The following TCEA1 variants were observed in gnomAD, a reference collection of about 807,000 sequenced individuals.
TCEA1 encodes transcription elongation factor A1.
In TCEA1, 21 loss-of-function variants were observed where a neutral mutation model predicts 43.8. That is an observed-to-expected ratio of 0.48 (90% CI 0.34 to 0.69). TCEA1 has a LOEUF of 0.69. TCEA1 is among the 30% of genes least tolerant of loss of function. The pLI, the probability that TCEA1 is intolerant of heterozygous loss-of-function variation, is 0.01. For synonymous variants in TCEA1, 104 were observed against 117.5 expected (o/e 0.88, Z 0.75); for missense variants, 250 against 365.1 (o/e 0.68, Z 2.57).
chr8:53,975,562 A>C (rs1196718474), intron 8 of TCEA1, among the ~76,000 whole-genome samples: 2 of 152,234 alleles, frequency 1.3e-5, no homozygotes, highest in African/African-American at 4.8e-5. Flanking sequence ...AGCCGTAAAA[A>C]GTAGGGAAAG....
At position 54,016,978 on chromosome 8, in the gene TCEA1, CAAAAAAAAAA is replaced by C. The variant is rs1159105172; in HGVS notation, c.63+5075_63+5084del. Among the ~76,000 whole-genome samples, 409 of 67,428 alleles carry C rather than the reference CAAAAAAAAAA, an allele frequency of 6.1e-3. 5 individuals are homozygous for C. Among genetic ancestry groups the C allele is most frequent in the African/African-American group, 0.012 (275 of 23,250 alleles). The allele number at this position is 67,428 out of a possible 152,430, so 44.2% of individuals were successfully genotyped here. ...GACAGAGCAAGATGAGACTCCGTCT[CAAAAAAAAAA>C]AAAAAAAAAAAAGACTATACTAAGC... On this transcript the variant is annotated intron_variant, in intron 1 of 9. Coordinates refer to ENST00000521604, the MANE Select transcript of TCEA1 (RefSeq NM_006756.4).
Position 53,988,022 on chromosome 8 carries a change from G to T in TCEA1, c.466+92C>A, listed in dbSNP as rs913918747. The T allele has an allele frequency of 2.0e-5, 30 of 1,485,198 alleles. No homozygotes were observed. In the Admixed American group the frequency reaches 5.8e-4, roughly 28 times the overall value. The allele number at this position is 1,485,198 out of a possible 1,614,324, so 92.0% of individuals were successfully genotyped here. ...CAGCAGTGGGTGGGCTATCCACAGG[G>T]TAACACTCATCAAACAGCAATATGG... On this transcript the variant is annotated intron_variant, in intron 5 of 9. Coordinates refer to ENST00000521604, the MANE Select transcript of TCEA1 (RefSeq NM_006756.4).
chr8:54,004,714 A>C (rs1428017814), intron 2 of TCEA1, among the ~76,000 whole-genome samples: 2 of 152,176 alleles, frequency 1.3e-5, no homozygotes, highest in Non-Finnish European at 2.9e-5. Flanking sequence ...CATACTAAAA[A>C]ACAATGAATC....
intron 1 of TCEA1, 118 bp downstream of exon 1, chr8:54,021,945 C>A: frequency 1.8e-6 from 2 of 1,081,538 alleles, no homozygotes; most frequent in Non-Finnish European, 2.4e-6. Flanking sequence ...CGCGGCGGGC[C>A]CGGCTCCCAG....
chr8:53,967,309 G>A lies in TCEA1; in HGVS notation c.*795C>T, dbSNP rs1803015647. 2 of 202,482 alleles carry A rather than the reference G, an allele frequency of 9.9e-6. No individual in the cohort carries two copies. The highest frequency in any genetic ancestry group is 6.0e-5 in the Admixed American group (1 of 16,678). The allele number at this position is 202,482 out of a possible 1,614,324, so 12.5% of individuals were successfully genotyped here. ...TCCTAAGAGGGGAAAAAAATAGTGG[G>A]AAGTTTTCATCTTTGCCTATGAGGG... On this transcript the variant is annotated 3_prime_UTR_variant, in exon 10 of 10. Transcript: ENST00000521604.
intron 1 of TCEA1, among the ~76,000 whole-genome samples, chr8:54,015,973 A>G (rs1282677711): frequency 6.6e-6 from 1 of 152,208 alleles, no homozygotes; most frequent in African/African-American, 2.4e-5. Flanking sequence ...CAAACCCACA[A>G]TGAAATACCA....
chr8:54,017,099 T>C (rs1194178912), intron 1 of TCEA1, among the ~76,000 whole-genome samples: 1 of 151,210 alleles, frequency 6.6e-6, no homozygotes, highest in Admixed American at 6.6e-5. Context: ...AGACAGAAAG[T>C]ATATTAGTGG....
chr8:54,007,985 C>T (rs1804529952), intron 2 of TCEA1, among the ~76,000 whole-genome samples: 1 of 151,746 alleles, frequency 6.6e-6, no homozygotes, highest in Admixed American at 6.6e-5. Context: ...AGTTTGAGAC[C>T]AGCCTGGCCA....
chr8:53,986,128 T>C (rs901554233), intron 6 of TCEA1, among the ~76,000 whole-genome samples: 1 of 152,220 alleles, frequency 6.6e-6, no homozygotes. Flanking sequence ...TGAAGTTGTG[T>C]GACACCAAGA....
intron 2 of TCEA1, among the ~76,000 whole-genome samples, chr8:54,006,643 G>A (rs1484396142): frequency 1.3e-5 from 2 of 152,178 alleles, no homozygotes; most frequent in Non-Finnish European, 2.9e-5. Flanking sequence ...GGATTACTAT[G>A]TTGTTTTCCC....
intron 2 of TCEA1, among the ~76,000 whole-genome samples, chr8:54,002,203 G>A (rs1047282170): frequency 2.0e-5 from 3 of 151,960 alleles, no homozygotes; most frequent in African/African-American, 7.2e-5. Flanking sequence ...CGGGTATGGT[G>A]GCTCACGCCT....
intron 8 of TCEA1, among the ~76,000 whole-genome samples, chr8:53,975,908 ACTT>A: frequency 6.6e-6 from 1 of 152,346 alleles, no homozygotes; most frequent in East Asian, 1.9e-4. Flanking sequence ...TACCACAACT[ACTT>A]TTTTTAAAAC....
At chr8:53,972,343 C>T in intron 8 of TCEA1, 1 of 489,472 alleles carries the variant, frequency 2.0e-6, no homozygotes, top group South Asian at 1.6e-5. Flanking sequence ...GATGATGATG[C>T]AAGTGACAGC....
intron 1 of TCEA1, among the ~76,000 whole-genome samples, chr8:54,020,387 G>T (rs988392872): frequency 1.3e-5 from 2 of 152,036 alleles, no homozygotes; most frequent in African/African-American, 4.8e-5. Context: ...GTAATATCTA[G>T]AACAGAAAAT....
At chr8:53,972,393 A>C in intron 8 of TCEA1, 2 of 549,782 alleles carry the variant, frequency 3.6e-6, no homozygotes, top group Non-Finnish European at 6.9e-6. Flanking sequence ...TATAGAAACT[A>C]GTTCTGAAAA....
chr8:54,010,949 G>A (rs754720482), intron 1 of TCEA1, among the ~76,000 whole-genome samples: 8 of 152,038 alleles, frequency 5.3e-5, no homozygotes, highest in Non-Finnish European at 8.8e-5. Flanking sequence ...CTGAGTAGGT[G>A]AGATTACAGG....
chr8:54,017,429 T>C (rs1471635900), intron 1 of TCEA1, among the ~76,000 whole-genome samples: 1 of 152,230 alleles, frequency 6.6e-6, no homozygotes, highest in African/African-American at 2.4e-5. Flanking sequence ...CGACGACACA[T>C]TTCCACTTCA....
At chr8:54,002,149 C>A (rs557940043) in intron 2 of TCEA1, among the ~76,000 whole-genome samples, 348 of 150,474 alleles carry the variant, frequency 2.3e-3, no homozygotes, top group African/African-American at 8.2e-3. Context: ...AGCTTCCAGC[C>A]TGGGCGACAG....
chr8:54,018,782 G>A (rs763463809), intron 1 of TCEA1, among the ~76,000 whole-genome samples: 1 of 152,136 alleles, frequency 6.6e-6, no homozygotes, highest in Non-Finnish European at 1.5e-5. Context: ...TAGGTAACTA[G>A]GGAAACACAC....
Sources: gnomAD v4.1 joint callset for allele counts (sites outside exome capture counted in the v4.1 genomes callset) on GRCh38, gnomAD v4.1.1 for gene constraint, MANE v1.5 for transcripts, NCBI Gene and HGNC (gene_info 2026-07-23, HGNC 2026-07-21) for gene names.